GRID2: variants seen among roughly 807,000 people sequenced by gnomAD.
GRID2 encodes glutamate receptor ionotropic, delta-2.
Under a neutral mutation model 114.8 loss-of-function variants are expected in GRID2, and 33 were observed. That is an observed-to-expected ratio of 0.29 (90% confidence interval 0.22 to 0.38). The LOEUF (loss-of-function observed/expected upper bound fraction) is 0.38, where lower values mean the gene tolerates loss of function less well. Ranked by LOEUF, GRID2 falls within the 10% of genes least tolerant of loss-of-function variation. The probability of loss-of-function intolerance (pLI) is 1.00; values close to 1 mark genes in which losing one functional copy is unlikely to be tolerated. For missense variants in GRID2, 1,184 were observed against 1,257.7 expected (o/e 0.94, Z 0.89); for synonymous variants, 505 against 449.9 (o/e 1.12, Z -1.55).
chr4:93,722,890 G>A (rs927348901), intron 14 of GRID2, among the ~76,000 whole-genome samples: 1 of 152,068 alleles, frequency 6.6e-6, no homozygotes, highest in Non-Finnish European at 1.5e-5. Flanking sequence ...TCTCTTCATT[G>A]CCTTCAGAGA....
At chr4:92,391,574 G>C (rs1730240255) in intron 1 of GRID2, among the ~76,000 whole-genome samples, 1 of 151,964 alleles carries the variant, frequency 6.6e-6, no homozygotes, top group Non-Finnish European at 1.5e-5. Context: ...CAGGGTCTTT[G>C]CAAAACAAAA....
chr4:93,726,148 A>G (rs1247545139), intron 14 of GRID2, among the ~76,000 whole-genome samples: 10 of 152,146 alleles, frequency 6.6e-5, no homozygotes, highest in Non-Finnish European at 1.2e-4. Context: ...ATCCAACCTG[A>G]ATTAATTTTT....
rs190542098 is a variant in GRID2, at chr4:92,622,074, T to C, written c.244+31788T>C. ...TGGTTATAATAATCTCAGTAATAAT[T>C]GAGGCAATGTGGAAGTACAGTGCAG... On this transcript the variant is annotated intron_variant, in intron 2 of 15. Coordinates refer to ENST00000282020, the MANE Select transcript of GRID2 (RefSeq NM_001510.4). 5.2e-4 allele frequency among the ~76,000 whole-genome samples: 79 copies of C among 151,724 alleles called. 1 individual carries two copies. Among genetic ancestry groups the C allele is most frequent in the African/African-American group, 1.8e-3 (75 of 41,474 alleles).
intron 14 of GRID2, among the ~76,000 whole-genome samples, chr4:93,649,778 A>G (rs1202745900): frequency 6.6e-6 from 1 of 152,182 alleles, no homozygotes; most frequent in Non-Finnish European, 1.5e-5. Context: ...AGAAAATCCC[A>G]GATTTCCCTA....
At chr4:93,019,566 C>T (rs752409923) in intron 2 of GRID2, among the ~76,000 whole-genome samples, 3 of 151,996 alleles carry the variant, frequency 2.0e-5, no homozygotes, top group East Asian at 1.9e-4. Flanking sequence ...TTTCAGAATT[C>T]GTAGCCTTAA....
At chr4:92,424,303 G>T (rs965845262) in intron 1 of GRID2, among the ~76,000 whole-genome samples, 1 of 151,952 alleles carries the variant, frequency 6.6e-6, no homozygotes, top group Non-Finnish European at 1.5e-5. Context: ...GTTCATATGT[G>T]GGAAACATAT....
intron 8 of GRID2, among the ~76,000 whole-genome samples, chr4:93,298,378 C>A (rs1234109532): frequency 6.6e-6 from 1 of 152,092 alleles, no homozygotes; most frequent in African/African-American, 2.4e-5. Context: ...GGTTACAGAC[C>A]GCCAACTCCT....
intron 2 of GRID2, among the ~76,000 whole-genome samples, chr4:92,708,489 G>GT (rs1238191829): frequency 2.0e-5 from 3 of 152,112 alleles, no homozygotes; most frequent in African/African-American, 7.2e-5. Flanking sequence ...GCATGGGTTT[G>GT]TATCTTAGCT....
intron 2 of GRID2, among the ~76,000 whole-genome samples, chr4:92,901,543 C>A (rs189631004): frequency 1.2e-3 from 177 of 152,170 alleles, no homozygotes; most frequent in Admixed American, 3.3e-3. Context: ...TTTTGAGGTC[C>A]TAGTCATAAA....
chr4:93,364,973 TAGA>T (rs1403427318), intron 8 of GRID2, among the ~76,000 whole-genome samples: 1 of 152,206 alleles, frequency 6.6e-6, no homozygotes, highest in African/African-American at 2.4e-5. Context: ...TATTCTGCAG[TAGA>T]AGTTTGTCTT....
intron 2 of GRID2, among the ~76,000 whole-genome samples, chr4:92,899,878 A>G (rs1340168964): frequency 6.6e-6 from 1 of 152,184 alleles, no homozygotes; most frequent in Non-Finnish European, 1.5e-5. Flanking sequence ...GATAAAGAAC[A>G]GGGTCACAAA....
At chr4:92,894,613 T>C (rs566435291) in intron 2 of GRID2, among the ~76,000 whole-genome samples, 2 of 152,336 alleles carry the variant, frequency 1.3e-5, no homozygotes, top group South Asian at 2.1e-4. Flanking sequence ...GTAATATTCC[T>C]ACTATGTACT....
At chr4:92,769,434 A>C in intron 2 of GRID2, among the ~76,000 whole-genome samples, 1 of 152,058 alleles carries the variant, frequency 6.6e-6, no homozygotes, top group East Asian at 1.9e-4. Flanking sequence ...TGGGGTCTGG[A>C]GTATGGTAGC....
At chr4:93,371,212 T>C (rs1023064960) in intron 8 of GRID2, among the ~76,000 whole-genome samples, 1 of 152,190 alleles carries the variant, frequency 6.6e-6, no homozygotes, top group African/African-American at 2.4e-5. Flanking sequence ...AGTAAACTAA[T>C]GCCAAGTTTA....
intron 4 of GRID2, among the ~76,000 whole-genome samples, chr4:93,202,846 C>A (rs1742253261): frequency 6.6e-6 from 1 of 152,044 alleles, no homozygotes; most frequent in African/African-American, 2.4e-5. Context: ...ATTATCACTG[C>A]TTTTTCTCCT....
chr4:93,089,555 C>T (rs1289629522), intron 3 of GRID2, among the ~76,000 whole-genome samples: 1 of 152,086 alleles, frequency 6.6e-6, no homozygotes, highest in Non-Finnish European at 1.5e-5. Context: ...TTAAGGTAAA[C>T]TCTGATGGCT....
At chr4:93,224,392 A>T (rs1228237380) in intron 6 of GRID2, among the ~76,000 whole-genome samples, 1 of 152,088 alleles carries the variant, frequency 6.6e-6, no homozygotes, top group Non-Finnish European at 1.5e-5. Context: ...TCTCTTTCAC[A>T]CCTAAATAAG....
intron 14 of GRID2, among the ~76,000 whole-genome samples, chr4:93,757,635 G>A (rs1036627349): frequency 6.6e-6 from 1 of 152,188 alleles, no homozygotes. Flanking sequence ...AACATCCAAG[G>A]AACAGTTTTG....
chr4:92,740,544 C>T (rs1424802191), intron 2 of GRID2, among the ~76,000 whole-genome samples: 1 of 152,168 alleles, frequency 6.6e-6, no homozygotes, highest in East Asian at 1.9e-4. Context: ...TCCCTCCAAT[C>T]ACTGTAAACT....
Sources: gnomAD v4.1 joint callset for allele counts (sites outside exome capture counted in the v4.1 genomes callset) on GRCh38, gnomAD v4.1.1 for gene constraint, MANE v1.5 for transcripts, NCBI Gene and HGNC (gene_info 2026-07-23, HGNC 2026-07-21) for gene names.